EPHA5: variants seen among roughly 807,000 people sequenced by gnomAD.
EPHA5 encodes the protein EPH receptor A5.
A neutral mutation model predicts 105.0 loss-of-function variants in EPHA5; 60 were observed. The ratio of observed to expected loss-of-function variants is 0.57; its 90% CI spans 0.46 to 0.71. The LOEUF is 0.71. Among genes scored for constraint, EPHA5 ranks in the 30% least tolerant of loss-of-function variants. The pLI is 0.00. For missense variants in EPHA5, 1,218 were observed against 1,274.7 expected, an observed-to-expected ratio of 0.96 and a Z score of 0.68; for synonymous variants, 513 against 449.1, an observed-to-expected ratio of 1.14 and a Z score of -1.80.
chr4:65,665,418 T>C (rs1199905707), intron 1 of EPHA5, among the ~76,000 whole-genome samples: 1 of 152,068 alleles, frequency 6.6e-6, no homozygotes, highest in African/African-American at 2.4e-5. Context: ...AAATGTTTGC[T>C]ATAAACAGCT....
At chr4:65,577,481 C>T (rs1258737991) in intron 3 of EPHA5, among the ~76,000 whole-genome samples, 2 of 152,046 alleles carry the variant, frequency 1.3e-5, no homozygotes, top group Non-Finnish European at 2.9e-5. Context: ...AGTTACTACG[C>T]ATTTGTTGAG....
At chr4:65,422,743 C>CT (rs1253205767) in intron 5 of EPHA5, among the ~76,000 whole-genome samples, 2 of 151,990 alleles carry the variant, frequency 1.3e-5, no homozygotes, top group Admixed American at 6.6e-5. Flanking sequence ...CTTTAGGCTA[C>CT]TACAGTTCCC....
At chr4:65,523,139 T>C (rs566831842) in intron 3 of EPHA5, among the ~76,000 whole-genome samples, 2 of 152,124 alleles carry the variant, frequency 1.3e-5, no homozygotes, top group South Asian at 4.1e-4. Flanking sequence ...AATGTATGTT[T>C]AATATGCTAT....
intron 11 of EPHA5, among the ~76,000 whole-genome samples, chr4:65,356,928 T>C (rs951990685): frequency 7.9e-5 from 12 of 151,374 alleles, no homozygotes; most frequent in African/African-American, 2.9e-4. Flanking sequence ...CAGCTTGAAG[T>C]ACAGACAAAG....
At chr4:65,336,562 G>T (rs915145884) in intron 14 of EPHA5, among the ~76,000 whole-genome samples, 3 of 152,056 alleles carry the variant, frequency 2.0e-5, no homozygotes, top group African/African-American at 7.2e-5. Context: ...TAATAGAACT[G>T]TAATTTTACT....
chr4:65,520,616 G>A (rs907272938), intron 3 of EPHA5, among the ~76,000 whole-genome samples: 2 of 152,152 alleles, frequency 1.3e-5, no homozygotes, highest in East Asian at 3.9e-4. Flanking sequence ...GAAAATTTTT[G>A]CAATCTACTC....
intron 3 of EPHA5, among the ~76,000 whole-genome samples, chr4:65,569,867 A>G (rs895402754): frequency 6.6e-6 from 1 of 151,746 alleles, no homozygotes; most frequent in Non-Finnish European, 1.5e-5. Flanking sequence ...CATTTCTGGA[A>G]ATAAAAGTCA....
chr4:65,575,392 C>G (rs1740794058), intron 3 of EPHA5, among the ~76,000 whole-genome samples: 2 of 152,188 alleles, frequency 1.3e-5, no homozygotes, highest in African/African-American at 4.8e-5. Flanking sequence ...CTACCTACTA[C>G]TTTCGTAACT....
At position 65,670,019 on chromosome 4, in the gene EPHA5, G is replaced by C. The variant is rs1750326325; in HGVS notation, c.-277C>G. ...TGGACTCGGATCAAGGGTGTCGAGAGGGTCCTGGGTCCTGTTCCTTTGCCT... is the reference window on the plus strand; with the variant it reads ...TGGACTCGGATCAAGGGTGTCGAGACGGTCCTGGGTCCTGTTCCTTTGCCT... On this transcript the variant is annotated 5_prime_UTR_variant, in exon 1 of 17. Coordinates refer to ENST00000613740, the MANE Select transcript of EPHA5 (RefSeq NM_001281766.3). 1 of 402,668 alleles carries C rather than the reference G, an allele frequency of 2.5e-6. No individual in the cohort carries two copies. Among genetic ancestry groups the C allele is most frequent in the South Asian group, 1.4e-4 (1 of 7,178 alleles). The allele number at this position is 402,668 out of a possible 1,614,324, so 24.9% of individuals were successfully genotyped here.
intron 7 of EPHA5, among the ~76,000 whole-genome samples, chr4:65,410,544 G>C (rs1020109287): frequency 6.6e-6 from 1 of 152,074 alleles, no homozygotes; most frequent in South Asian, 2.1e-4. Flanking sequence ...ACCAAATGGC[G>C]TAGAATCTAA....
intron 3 of EPHA5, among the ~76,000 whole-genome samples, chr4:65,502,414 A>AT (rs78862485): frequency 2.0e-5 from 3 of 147,318 alleles, no homozygotes; most frequent in Admixed American, 6.8e-5. Context: ...AGCAAAAAAA[A>AT]AATATATAGC....
chr4:65,444,269 T>C (rs1174257764), intron 5 of EPHA5, among the ~76,000 whole-genome samples: 1 of 152,220 alleles, frequency 6.6e-6, no homozygotes, highest in Non-Finnish European at 1.5e-5. Flanking sequence ...AGATAATATC[T>C]ATCCTTAAGT....
At chr4:65,596,373 C>T (rs1360409011) in intron 3 of EPHA5, among the ~76,000 whole-genome samples, 1 of 151,972 alleles carries the variant, frequency 6.6e-6, no homozygotes, top group African/African-American at 2.4e-5. Context: ...AAACAGTCTA[C>T]AGTGAACAAG....
intron 3 of EPHA5, among the ~76,000 whole-genome samples, chr4:65,542,969 A>G (rs1295506069): frequency 2.0e-5 from 3 of 152,038 alleles, no homozygotes; most frequent in Non-Finnish European, 2.9e-5. Flanking sequence ...CAATTACAAA[A>G]CCACATGATT....
intron 3 of EPHA5, among the ~76,000 whole-genome samples, chr4:65,576,606 T>C (rs1220925023): frequency 1.3e-5 from 2 of 152,210 alleles, no homozygotes; most frequent in African/African-American, 4.8e-5. Flanking sequence ...AGTCACTGAA[T>C]TATCCAAATA....
chr4:65,336,804 C>T (rs981623345), intron 14 of EPHA5, among the ~76,000 whole-genome samples: 4 of 152,042 alleles, frequency 2.6e-5, no homozygotes, highest in African/African-American at 4.8e-5. Flanking sequence ...TTATCAAAAC[C>T]ATTTGTAATG....
chr4:65,656,228 A>C (rs1328633820), intron 1 of EPHA5, among the ~76,000 whole-genome samples: 1 of 151,126 alleles, frequency 6.6e-6, no homozygotes, highest in African/African-American at 2.4e-5. Context: ...TCAGATAATC[A>C]GTGAAAATTA....
intron 2 of EPHA5, among the ~76,000 whole-genome samples, chr4:65,619,937 T>C (rs1745564638): frequency 6.6e-6 from 1 of 151,250 alleles, no homozygotes; most frequent in South Asian, 2.1e-4. Context: ...AATAATATTA[T>C]AAAGTTTCTC....
At chr4:65,636,244 A>T (rs1016357005) in intron 2 of EPHA5, among the ~76,000 whole-genome samples, 15 of 152,152 alleles carry the variant, frequency 9.9e-5, no homozygotes, top group Non-Finnish European at 2.1e-4. Context: ...TTGTTTCAAC[A>T]TTTATGGTCT....
Sources: gnomAD v4.1 joint callset for allele counts (sites outside exome capture counted in the v4.1 genomes callset) on GRCh38, gnomAD v4.1.1 for gene constraint, MANE v1.5 for transcripts, NCBI Gene and HGNC (gene_info 2026-07-23, HGNC 2026-07-21) for gene names.